Variants in ADAM10 observed in about 807,000 individuals in gnomAD.
ADAM10 encodes the protein ADAM metallopeptidase domain 10.
Under a neutral mutation model 90.1 loss-of-function variants are expected in ADAM10, and 17 were observed. That is an observed-to-expected ratio of 0.19 (90% CI 0.13 to 0.28). The LOEUF is 0.28. Among genes scored for constraint, ADAM10 ranks in the 10% least tolerant of loss-of-function variants. ADAM10 has a pLI of 1.00. For missense variants in ADAM10, 610 were observed against 914.3 expected (o/e 0.67, Z 4.29); for synonymous variants, 310 against 298.6 (o/e 1.04, Z -0.40).
intron 5 of ADAM10, among the ~76,000 whole-genome samples, chr15:58,663,488 ATCCCTCTT>A (rs1421952995): frequency 2.6e-5 from 4 of 151,952 alleles, no homozygotes; most frequent in African/African-American, 9.6e-5. Context: ...CCTAGGGTAA[ATCCCTCTT>A]TCCCTCTTTC....
chr15:58,724,228 T>C (rs534183467), intron 1 of ADAM10, among the ~76,000 whole-genome samples: 7 of 152,018 alleles, frequency 4.6e-5, no homozygotes, highest in East Asian at 1.9e-4. Flanking sequence ...TACAACAACA[T>C]TGTTATTATA....
Position 58,659,407 on chromosome 15 carries a change from T to C in ADAM10, c.585+5690A>G, listed in dbSNP as rs188855128. 1.7e-4 allele frequency among the ~76,000 whole-genome samples: 26 copies of C among 152,304 alleles called. No homozygotes were observed. The East Asian group carries it at 2.3e-3, about 14-fold the overall frequency. On this transcript the variant is annotated intron_variant, in intron 5 of 15. Transcript: ENST00000260408. ...GCCTAAGAAAGCTTCCTTCTATTTT[T>C]AGTTTGCCATGTGTTGAGTGCTGAA...
chr15:58,609,077 T>A (rs1429810404), intron 14 of ADAM10: 1 of 152,136 alleles, frequency 6.6e-6, no homozygotes, highest in Non-Finnish European at 1.5e-5. Flanking sequence ...AGTCACAGAA[T>A]TGATAAACAC....
chr15:58,719,050 G>T (rs773790912), intron 1 of ADAM10, among the ~76,000 whole-genome samples: 2 of 152,206 alleles, frequency 1.3e-5, no homozygotes, highest in Non-Finnish European at 2.9e-5. Context: ...TTCGCTGGGC[G>T]TGGTGGCTCA....
intron 5 of ADAM10, among the ~76,000 whole-genome samples, chr15:58,658,219 T>C (rs1441830027): frequency 2.0e-5 from 3 of 151,574 alleles, no homozygotes; most frequent in African/African-American, 7.3e-5. Context: ...TGAATCTCAA[T>C]TTTTTTTTCA....
chr15:58,610,237 C>T (rs778332155), intron 14 of ADAM10, 60 bp downstream of exon 14: 1 of 1,442,668 alleles, frequency 6.9e-7, no homozygotes, highest in South Asian at 1.1e-5. Context: ...TGACTTCTGG[C>T]CAAGTAAAAT....
chr15:58,678,865 T>C (rs1319922193), intron 4 of ADAM10, among the ~76,000 whole-genome samples: 1 of 152,204 alleles, frequency 6.6e-6, no homozygotes, highest in African/African-American at 2.4e-5. Flanking sequence ...TCCAGTTCCG[T>C]CAGATTTGGT....
chr15:58,607,038 A>G (rs1157916839), intron 14 of ADAM10, among the ~76,000 whole-genome samples: 1 of 152,278 alleles, frequency 6.6e-6, no homozygotes, highest in Admixed American at 6.5e-5. Context: ...GATTTTTAAA[A>G]GAATGTTTTG....
At chr15:58,727,176 C>CTTTTTT (rs779017607) in intron 1 of ADAM10, among the ~76,000 whole-genome samples, 4 of 78,006 alleles carry the variant, frequency 5.1e-5, no homozygotes, top group Non-Finnish European at 9.5e-5. Flanking sequence ...CCTGACTAAT[C>CTTTTTT]TTTTTTTTTT....
chr15:58,682,141 C>G, intron 3 of ADAM10, 55 bp downstream of exon 3: 2 of 1,598,488 alleles, frequency 1.3e-6, no homozygotes, highest in Non-Finnish European at 1.7e-6. Flanking sequence ...AAATGAGTAT[C>G]TTTGTGTAGA....
At chr15:58,684,244 C>A (rs1182796171) in intron 2 of ADAM10, among the ~76,000 whole-genome samples, 1 of 152,152 alleles carries the variant, frequency 6.6e-6, no homozygotes, top group Admixed American at 6.5e-5. Context: ...ATCTATTTGA[C>A]CTTTGTCCCC....
At chr15:58,746,370 T>C (rs1004766540) in intron 1 of ADAM10, among the ~76,000 whole-genome samples, 1 of 152,122 alleles carries the variant, frequency 6.6e-6, no homozygotes, top group Non-Finnish European at 1.5e-5. Context: ...AACAAGTTAC[T>C]AAAAGCACAT....
In ADAM10 at chr15:58,594,886, T is replaced by C. The variant is rs1894910253; in HGVS notation, c.*2661A>G. On this transcript the variant is annotated 3_prime_UTR_variant, in exon 16 of 16. Transcript: ENST00000260408. Reference sequence around the variant, plus strand: ...ATTTACTCATTTAACAAGTATTACTTATAGCTAACCTTGACTAAAAAAAGA... The same window carrying C: ...ATTTACTCATTTAACAAGTATTACTCATAGCTAACCTTGACTAAAAAAAGA... 6.6e-6 allele frequency: 1 copy of C among 152,186 alleles called. No individual in the cohort carries two copies. Among genetic ancestry groups the C allele is most frequent in the Non-Finnish European group, 1.5e-5 (1 of 68,030 alleles). The allele number at this position is 152,186 out of a possible 1,614,324, so 9.4% of individuals were successfully genotyped here. A position where few individuals can be genotyped will look rare whatever the true frequency, so the allele number is the denominator to read the frequency against.
chr15:58,743,395 C>T (rs570473038), intron 1 of ADAM10, among the ~76,000 whole-genome samples: 164 of 152,180 alleles, frequency 1.1e-3, no homozygotes, highest in African/African-American at 3.8e-3. Context: ...TAAGCTAGAC[C>T]CTTCCAAAAC....
chr15:58,709,301 A>G (rs540375616), intron 2 of ADAM10, among the ~76,000 whole-genome samples: 44 of 152,346 alleles, frequency 2.9e-4, no homozygotes, highest in Non-Finnish European at 5.0e-4. Context: ...CTTATCTCAC[A>G]AAAGATCCAA....
chr15:58,722,611 G>A (rs1357075686), intron 1 of ADAM10, among the ~76,000 whole-genome samples: 2 of 151,164 alleles, frequency 1.3e-5, no homozygotes, highest in African/African-American at 4.9e-5. Flanking sequence ...ATGAGTGTCA[G>A]TTCCCTTCCC....
chr15:58,707,202 G>C (rs1439250207), intron 2 of ADAM10: 1 of 150,918 alleles, frequency 6.6e-6, no homozygotes, highest in African/African-American at 2.4e-5. Flanking sequence ...GGGGAACAAG[G>C]GGAAACCCCC....
At chr15:58,673,741 T>C (rs1365232468) in intron 4 of ADAM10, among the ~76,000 whole-genome samples, 2 of 150,146 alleles carry the variant, frequency 1.3e-5, no homozygotes, top group Admixed American at 6.6e-5. Context: ...TTCTCTCTCT[T>C]TTTTTTTTTC....
chr15:58,746,362 C>T (rs139114078), intron 1 of ADAM10, among the ~76,000 whole-genome samples: 1 of 152,080 alleles, frequency 6.6e-6, no homozygotes, highest in South Asian at 2.1e-4. Context: ...AGATCTTAAA[C>T]AAGTTACTAA....
Sources: gnomAD v4.1 joint callset for allele counts (sites outside exome capture counted in the v4.1 genomes callset) on GRCh38, gnomAD v4.1.1 for gene constraint, MANE v1.5 for transcripts, NCBI Gene and HGNC (gene_info 2026-07-23, HGNC 2026-07-21) for gene names.